The following PHF20 variants were observed in gnomAD, a reference collection of about 807,000 sequenced individuals.
PHF20 encodes the protein PHD finger protein 20, also known as glioma-expressed antigen 2.
In PHF20, 23 loss-of-function variants were observed where a neutral mutation model predicts 113.5. The ratio of observed to expected loss-of-function variants is 0.20; its 90% CI spans 0.15 to 0.29. The LOEUF is 0.29. Ranked by LOEUF, PHF20 falls within the 10% of genes least tolerant of loss-of-function variation. The probability of loss-of-function intolerance (pLI) is 1.00; values close to 1 mark genes in which losing one functional copy is unlikely to be tolerated. For missense variants in PHF20, 943 were observed against 1,219.6 expected (o/e 0.77, Z 3.38); for synonymous variants, 434 against 457.3 (o/e 0.95, Z 0.65).
chr20:35,776,462 C>G (rs2041177075), intron 1 of PHF20, among the ~76,000 whole-genome samples: 1 of 152,136 alleles, frequency 6.6e-6, no homozygotes, highest in Non-Finnish European at 1.5e-5. Context: ...TGATCTTTCT[C>G]CTTTTGTACC....
intron 1 of PHF20, among the ~76,000 whole-genome samples, chr20:35,791,534 A>AGTGT (rs1201634517): frequency 2.7e-4 from 33 of 123,960 alleles, no homozygotes; most frequent in African/African-American, 1.2e-3. Context: ...ATCTTAGAAT[A>AGTGT]GTGTATATAT....
chr20:35,932,374 ATTTGTT>A (rs2055775416), intron 15 of PHF20, among the ~76,000 whole-genome samples: 1 of 142,952 alleles, frequency 7.0e-6, no homozygotes, highest in Admixed American at 7.2e-5. Context: ...TGGCTGAGTT[ATTTGTT>A]TTTAATTGCT....
At chr20:35,923,755 A>G (rs1006949376) in intron 13 of PHF20, among the ~76,000 whole-genome samples, 2 of 152,096 alleles carry the variant, frequency 1.3e-5, no homozygotes, top group Non-Finnish European at 2.9e-5. Context: ...TTTTATTTTT[A>G]TATTTTCCTA....
At chr20:35,900,841 C>T (rs1347669342) in intron 10 of PHF20, among the ~76,000 whole-genome samples, 1 of 151,946 alleles carries the variant, frequency 6.6e-6, no homozygotes, top group Non-Finnish European at 1.5e-5. Context: ...CATCTCAAAA[C>T]AACAACCAAA....
intron 9 of PHF20, among the ~76,000 whole-genome samples, chr20:35,872,271 C>G (rs935454109): frequency 1.3e-5 from 2 of 151,864 alleles, no homozygotes; most frequent in Non-Finnish European, 2.9e-5. Flanking sequence ...GCCTGTAATC[C>G]CAGCACTTTG....
chr20:35,866,452 C>G (rs910951495), intron 6 of PHF20, among the ~76,000 whole-genome samples: 1 of 152,020 alleles, frequency 6.6e-6, no homozygotes, highest in Non-Finnish European at 1.5e-5. Flanking sequence ...GATGGGGAAC[C>G]CCAGTTGAGA....
chr20:35,871,448 A>G (rs956881188), intron 8 of PHF20, among the ~76,000 whole-genome samples: 2 of 151,266 alleles, frequency 1.3e-5, no homozygotes, highest in African/African-American at 4.9e-5. Flanking sequence ...ACTTCCAGCT[A>G]TTTTTCCTTT....
At chr20:35,779,676 T>G (rs2041247420) in intron 1 of PHF20, among the ~76,000 whole-genome samples, 1 of 151,922 alleles carries the variant, frequency 6.6e-6, no homozygotes, top group African/African-American at 2.4e-5. Flanking sequence ...CCCGCCACCA[T>G]GCCTGGGTAA....
chr20:35,796,543 G>T (rs1434327535), intron 1 of PHF20, among the ~76,000 whole-genome samples: 1 of 152,154 alleles, frequency 6.6e-6, no homozygotes, highest in East Asian at 1.9e-4. Context: ...AGGACCCCAG[G>T]AGGTGTTCTA....
intron 9 of PHF20, among the ~76,000 whole-genome samples, chr20:35,872,870 G>A (rs181944579): frequency 2.1e-4 from 32 of 152,242 alleles, no homozygotes; most frequent in South Asian, 2.1e-4. Context: ...GTATTTTACC[G>A]TTGTCATGTG....
chr20:35,928,460 A>AGC (rs1361737441), intron 14 of PHF20: 1 of 151,182 alleles, frequency 6.6e-6, no homozygotes, highest in Non-Finnish European at 1.4e-5. Context: ...AAAAAAAAAA[A>AGC]AAAGCATGAG....
Position 35,850,301 on chromosome 20 carries a change from T to TTTTTTTTG in PHF20, c.340+2874_340+2875insGTTTTTTT, listed in dbSNP as rs1211943192. ...GCTGCTTAGCTTCCCCCTCCGTTTT[T>TTTTTTTTG]TTTTTTTTTTTTTTTTTTTTTTTTG... On this transcript the variant is annotated intron_variant, in intron 4 of 17. Coordinates refer to ENST00000374012, the MANE Select transcript of PHF20 (RefSeq NM_016436.5). Among the ~76,000 whole-genome samples the TTTTTTTTG allele has an allele frequency of 1.1e-3, 106 of 97,816 alleles. 3 individuals carry two copies. Among genetic ancestry groups the TTTTTTTTG allele is most frequent in the African/African-American group, 5.0e-3 (101 of 20,248 alleles). The allele number at this position is 97,816 out of a possible 152,430, so 64.2% of individuals were successfully genotyped here.
rs1211541287 is a variant in PHF20 at position 35,917,506 on chromosome 20, C to T, written c.1848C>T (p.Ser616=). Residue 616 remains serine, a synonymous_variant, in exon 13 of 18, where the codon TCC becomes TCT. Coordinates refer to ENST00000374012, the MANE Select transcript of PHF20 (RefSeq NM_016436.5). ...KALEEDNLSE[S]SSESFLWSDD... ...TAGAGGAGGATAATTTGAGTGAGTC[C>T]TCTTCTGAGAGCTTTCTCTGGAGTG... 1.2e-6 allele frequency: 2 copies of T among 1,613,846 alleles called. No homozygotes were observed. Among genetic ancestry groups the T allele is most frequent in the Admixed American group, 1.7e-5 (1 of 59,992 alleles).
chr20:35,792,879 C>T (rs946348331), intron 1 of PHF20, among the ~76,000 whole-genome samples: 1 of 152,094 alleles, frequency 6.6e-6, no homozygotes, highest in Non-Finnish European at 1.5e-5. Flanking sequence ...GGCTGTTGAT[C>T]CCATCTTATA....
intron 2 of PHF20, among the ~76,000 whole-genome samples, chr20:35,805,058 T>C (rs562601367): frequency 1.5e-3 from 220 of 150,966 alleles, no homozygotes; most frequent in African/African-American, 5.2e-3. Context: ...TGTGCCACCA[T>C]GCCTGGCTAT....
At chr20:35,820,651 G>A (rs1600781542) in intron 2 of PHF20, among the ~76,000 whole-genome samples, 1 of 151,714 alleles carries the variant, frequency 6.6e-6, no homozygotes, top group African/African-American at 2.4e-5. Context: ...GGGTTTCACT[G>A]TGTTAGCCAG....
chr20:35,878,811 G>T (rs1181190487), intron 9 of PHF20: 1 of 619,696 alleles, frequency 1.6e-6, no homozygotes, highest in East Asian at 2.8e-5. Context: ...ACGTATTATT[G>T]TTGAAAATAA....
At chr20:35,813,573 C>A (rs1176515695) in intron 2 of PHF20, among the ~76,000 whole-genome samples, 2 of 151,954 alleles carry the variant, frequency 1.3e-5, no homozygotes, top group African/African-American at 4.8e-5. Context: ...AGAAATTGAC[C>A]TCTGAGCTGG....
intron 9 of PHF20, among the ~76,000 whole-genome samples, chr20:35,895,681 CTT>C (rs762279629): frequency 6.9e-5 from 8 of 116,766 alleles, no homozygotes; most frequent in Non-Finnish European, 5.2e-5. Context: ...TTTGCTTCTC[CTT>C]TTTTTTTTTT....
Sources: gnomAD v4.1 joint callset for allele counts (sites outside exome capture counted in the v4.1 genomes callset) on GRCh38, gnomAD v4.1.1 for gene constraint, MANE v1.5 for transcripts, NCBI Gene and HGNC (gene_info 2026-07-23, HGNC 2026-07-21) for gene names.